The following EIF4B variants were observed in gnomAD, a reference collection of about 807,000 sequenced individuals.
EIF4B encodes the protein eukaryotic translation initiation factor 4B.
EIF4B carries 8 observed loss-of-function variants against 79.3 expected under a neutral mutation model. The observed-to-expected ratio is 0.10, with a 90% CI of 0.06 to 0.18. The LOEUF (loss-of-function observed/expected upper bound fraction) is 0.18, where lower values mean the gene tolerates loss of function less well. Among genes scored for constraint, EIF4B ranks in the 10% least tolerant of loss-of-function variants. The pLI, the probability that EIF4B is intolerant of heterozygous loss-of-function variation, is 1.00. For missense variants in EIF4B, 515 were observed against 792.4 expected (o/e 0.65, Z 4.20); for synonymous variants, 238 against 274.7 (o/e 0.87, Z 1.32).
chr12:53,034,562 G>A, intron 9 of EIF4B, 50 bp from the exon 10 acceptor site: 5 of 1,584,780 alleles, frequency 3.2e-6, no homozygotes, highest in Non-Finnish European at 4.3e-6. Flanking sequence ...GGTCTAAGGT[G>A]GCCTTCACTG....
In EIF4B at chr12:53,028,556, C is replaced by CA. The variant is rs781283142; in HGVS notation, c.979+383dup. 3.3e-3 allele frequency among the ~76,000 whole-genome samples: 247 copies of CA among 74,694 alleles called. No individual in the cohort carries two copies. The Middle Eastern group carries it at 0.049, about 15-fold the overall frequency. 49.0% of individuals were successfully genotyped at this position (74,694 alleles called of 152,430 possible). A position where few individuals can be genotyped will look rare whatever the true frequency, so the allele number is the denominator to read the frequency against. On this transcript the variant is annotated intron_variant, in intron 8 of 14. Transcript: ENST00000262056. ...GGTGACAGAGTGAGACTCCCCATCT[C>CA]AAAAAAAAAAAAAAAGCATTGGCTA...
chr12:53,026,062 T>C (rs575027335), intron 6 of EIF4B, among the ~76,000 whole-genome samples: 1 of 151,684 alleles, frequency 6.6e-6, no homozygotes, highest in South Asian at 2.1e-4. Context: ...ATTGTGCCAC[T>C]GCACTCCAGC....
intron 1 of EIF4B, among the ~76,000 whole-genome samples, chr12:53,007,807 A>G (rs948277028): frequency 1.3e-5 from 2 of 152,178 alleles, no homozygotes; most frequent in Non-Finnish European, 2.9e-5. Flanking sequence ...AACATCTTTC[A>G]TTGGTGTAAC....
intron 5 of EIF4B, 191 bp downstream of exon 5, chr12:53,022,051 A>T (rs1943254005): frequency 1.5e-6 from 1 of 667,290 alleles, no homozygotes; most frequent in Non-Finnish European, 2.6e-6. Context: ...AATTGGAGGG[A>T]GTGCTGCTGA....
rs775381745 is a variant in EIF4B at position 53,006,478 on chromosome 12, C to T, written c.-6C>T. 9.9e-6 allele frequency: 16 copies of T among 1,613,418 alleles called. No individual in the cohort carries two copies. Among genetic ancestry groups the T allele is most frequent in the African/African-American group, 6.7e-5 (5 of 74,920 alleles). The stretch of plus-strand genomic sequence containing the variant: ...GGTCTTTTGCGTTCTCTTTCCCTCT[C>T]CCAACATGGCGGCCTCAGGTGAGCG... On this transcript the variant is annotated 5_prime_UTR_variant, in exon 1 of 15. Transcript: ENST00000262056.
chr12:53,028,393 G>A lies in EIF4B; in HGVS notation c.979+205G>A, dbSNP rs143751780. 5.9e-3 allele frequency among the ~76,000 whole-genome samples: 894 copies of A among 152,102 alleles called. 4 individuals carry two copies. The highest frequency in any genetic ancestry group is 0.01 in the Middle Eastern group (3 of 294). On this transcript the variant is annotated intron_variant, in intron 8 of 14. Transcript: ENST00000262056. The stretch of plus-strand genomic sequence containing the variant: ...GAGATCGAGACCATCCTGGCTAATG[G>A]TGAAACCCCGTCTCTACCAGGTGTG...
In EIF4B at chr12:53,042,126, C is replaced by T. The variant is rs1943650602; in HGVS notation, c.*1903C>T. ...GATTTGTAATCTGTAGACTTATTAC[C>T]TGGGAGATGTCTTGATGTAAAATCC... On this transcript the variant is annotated 3_prime_UTR_variant, in exon 15 of 15. Transcript: ENST00000262056. The T allele has an allele frequency of 6.6e-6, 1 of 152,562 alleles. No homozygotes were observed. Among genetic ancestry groups the T allele is most frequent in the Non-Finnish European group, 1.5e-5 (1 of 68,028 alleles). 9.5% of individuals were successfully genotyped at this position (152,562 alleles called of 1,614,324 possible).
At chr12:53,022,081 T>A (rs918151777) in intron 5 of EIF4B, among the ~76,000 whole-genome samples, 8 of 152,198 alleles carry the variant, frequency 5.3e-5, no homozygotes, top group African/African-American at 1.9e-4. Flanking sequence ...AATCCAGGGG[T>A]TAATTCTATA....
chr12:53,037,714 G>A (rs757602503), intron 11 of EIF4B, 92 bp downstream of exon 11: 1 of 1,344,118 alleles, frequency 7.4e-7, no homozygotes, highest in Non-Finnish European at 1.0e-6. Flanking sequence ...TGCCAGCGTT[G>A]TATAGCACCT....
rs1251078875 is a variant in EIF4B, at chr12:53,030,408, ATATTCTTTTTTTT to A, written c.979+2222_979+2234del. On this transcript the variant is annotated intron_variant, in intron 8 of 14. Transcript: ENST00000262056. ...AATAGGAAATAGGTTTTAAAAAATT[ATATTCTTTTTTTT>A]TTTTTTTTTTTTTTTTTGAGACGGA... 9.9e-3 allele frequency among the ~76,000 whole-genome samples: 435 copies of A among 43,834 alleles called. 13 individuals carry two copies. The highest frequency in any genetic ancestry group is 0.019 in the African/African-American group (414 of 21,808). 28.8% of individuals were successfully genotyped at this position (43,834 alleles called of 152,430 possible). A position where few individuals can be genotyped will look rare whatever the true frequency, so the allele number is the denominator to read the frequency against.
At chr12:53,034,124 C>A in intron 9 of EIF4B, 90 bp downstream of exon 9, 1 of 1,317,144 alleles carries the variant, frequency 7.6e-7, no homozygotes, top group South Asian at 1.4e-5. Context: ...AAATTTGTGT[C>A]GTTATCACAT....
At chr12:53,007,803 T>C (rs561414507) in intron 1 of EIF4B, among the ~76,000 whole-genome samples, 9 of 152,224 alleles carry the variant, frequency 5.9e-5, no homozygotes, top group Non-Finnish European at 1.3e-4. Context: ...TTTGAACATC[T>C]TTCATTGGTG....
At chr12:53,016,981 G>A (rs1943158868) in intron 2 of EIF4B, among the ~76,000 whole-genome samples, 2 of 151,988 alleles carry the variant, frequency 1.3e-5, no homozygotes, top group South Asian at 2.1e-4. Flanking sequence ...GGCTGCTCGC[G>A]ATGGCTTACA....
intron 1 of EIF4B, among the ~76,000 whole-genome samples, chr12:53,015,277 GA>G (rs1162489200): frequency 6.6e-6 from 1 of 152,120 alleles, no homozygotes; most frequent in Non-Finnish European, 1.5e-5. Context: ...GACTTCGTAT[GA>G]AAAAAACTTA....
At chr12:53,008,519 T>C (rs979524254) in intron 1 of EIF4B, 13 of 152,258 alleles carry the variant, frequency 8.5e-5, no homozygotes, top group Admixed American at 7.9e-4. Context: ...ATGGATGTTA[T>C]GTGTTCTGTG....
chr12:53,019,440 TTTTTTTTTTC>T (rs1943206592), intron 3 of EIF4B, among the ~76,000 whole-genome samples: 4 of 118,698 alleles, frequency 3.4e-5, no homozygotes, highest in African/African-American at 1.1e-4. Context: ...TATATATATT[TTTTTTTTTTC>T]TTTTTTTTTT....
chr12:53,006,897 C>T (rs755269156), intron 1 of EIF4B, among the ~76,000 whole-genome samples: 1 of 149,852 alleles, frequency 6.7e-6, no homozygotes, highest in Non-Finnish European at 1.5e-5. Flanking sequence ...TAGACTACGT[C>T]TCCAAGGCGC....
At chr12:53,030,885 C>T (rs1392330829) in intron 8 of EIF4B, among the ~76,000 whole-genome samples, 2 of 152,170 alleles carry the variant, frequency 1.3e-5, no homozygotes, top group Non-Finnish European at 2.9e-5. Flanking sequence ...AGTGGAGGCT[C>T]AGATGTGGGC....
intron 1 of EIF4B, among the ~76,000 whole-genome samples, chr12:53,008,384 A>G (rs1181559539): frequency 6.6e-6 from 1 of 152,088 alleles, no homozygotes; most frequent in African/African-American, 2.4e-5. Flanking sequence ...TGGTACTGGT[A>G]TCTGAGCACA....
Sources: gnomAD v4.1 joint callset for allele counts (sites outside exome capture counted in the v4.1 genomes callset) on GRCh38, gnomAD v4.1.1 for gene constraint, MANE v1.5 for transcripts, NCBI Gene and HGNC (gene_info 2026-07-23, HGNC 2026-07-21) for gene names.